The following TRAPPC13 variants were observed in gnomAD, a reference collection of about 807,000 sequenced individuals.
TRAPPC13 encodes trafficking protein particle complex subunit 13.
In TRAPPC13, 39 loss-of-function variants were observed where a neutral mutation model predicts 54.0. The observed-to-expected ratio is 0.72, with a 90% CI of 0.56 to 0.94. The LOEUF (loss-of-function observed/expected upper bound fraction) is 0.94. TRAPPC13 is among the 40% of genes least tolerant of loss of function. The probability of loss-of-function intolerance (pLI) is 0.00; values close to 1 mark genes in which losing one functional copy is unlikely to be tolerated. For synonymous variants in TRAPPC13, 148 were observed against 167.7 expected, an observed-to-expected ratio of 0.88 and a Z score of 0.91; for missense variants, 386 against 488.1, an observed-to-expected ratio of 0.79 and a Z score of 1.97.
At position 65,643,477 on chromosome 5, in the gene TRAPPC13, G is replaced by T. The variant is rs149487739; in HGVS notation, c.301-3578G>T. Among the ~76,000 whole-genome samples the T allele has an allele frequency of 6.2e-3, 939 of 152,016 alleles. 12 individuals are homozygous for T. The highest frequency in any genetic ancestry group is 0.021 in the African/African-American group (885 of 41,462). On this transcript the variant is annotated intron_variant, in intron 4 of 12. Coordinates refer to ENST00000399438, the MANE Select transcript of TRAPPC13 (RefSeq NM_024941.4). ...GGCATGTTTGTCTCATATTACTAGT[G>T]TATTTCTATATATATATTCTAAAAT...
intron 7 of TRAPPC13, among the ~76,000 whole-genome samples, chr5:65,653,825 G>T (rs920161343): frequency 6.6e-6 from 1 of 152,092 alleles, no homozygotes; most frequent in African/African-American, 2.4e-5. Flanking sequence ...TTTCTTTTGT[G>T]GGGGATAGGT....
intron 1 of TRAPPC13, among the ~76,000 whole-genome samples, chr5:65,634,762 G>A (rs1319395970): frequency 6.6e-6 from 1 of 151,906 alleles, no homozygotes; most frequent in Non-Finnish European, 1.5e-5. Flanking sequence ...AACCAGGCAT[G>A]GTGGTGCATT....
chr5:65,652,752 A>C (rs1561774183), intron 7 of TRAPPC13: 1 of 601,692 alleles, frequency 1.7e-6, no homozygotes, highest in Non-Finnish European at 3.0e-6. Flanking sequence ...ATGTGTCTTG[A>C]TTTTTATTCT....
intron 8 of TRAPPC13, among the ~76,000 whole-genome samples, chr5:65,656,290 G>A (rs1756649279): frequency 6.6e-6 from 1 of 152,000 alleles, no homozygotes; most frequent in Non-Finnish European, 1.5e-5. Flanking sequence ...TTTCCATTAT[G>A]CTGCTTGTTT....
Position 65,630,414 on chromosome 5 carries a change from A to G in TRAPPC13, c.47-4887A>G, listed in dbSNP as rs1034650095. 1.2e-5 allele frequency: 17 copies of G among 1,404,430 alleles called. No homozygotes were observed. In the African/African-American group the frequency reaches 2.5e-4, roughly 20 times the overall value. The allele number at this position is 1,404,430 out of a possible 1,614,324, so 87.0% of individuals were successfully genotyped here. ...GATTGAAATAGATAAAATAATTTTT[A>G]CAGGTTTTAAAATTTTTAATGACTT... On this transcript the variant is annotated intron_variant, in intron 1 of 12. Coordinates refer to ENST00000399438, the MANE Select transcript of TRAPPC13 (RefSeq NM_024941.4).
At chr5:65,640,294 T>C (rs1307370203) in intron 4 of TRAPPC13, among the ~76,000 whole-genome samples, 1 of 152,198 alleles carries the variant, frequency 6.6e-6, no homozygotes, top group Admixed American at 6.5e-5. Context: ...TCCCAGTGCT[T>C]TGGGAGCCAA....
At chr5:65,652,428 C>G in intron 6 of TRAPPC13, 73 bp from the exon 7 acceptor site, 1 of 991,612 alleles carries the variant, frequency 1.0e-6, no homozygotes, top group Non-Finnish European at 1.5e-6. Flanking sequence ...CAAACTTACA[C>G]TATTTGATTT....
At position 65,625,058 on chromosome 5, in the gene TRAPPC13, A is replaced by G. The variant is rs776801772; in HGVS notation, c.-3A>G. ...AGGCTGTGGGTCAAAAGTGCCGGTC[A>G]AAATGGAAGTGAATCCCCCTAAACA... On this transcript the variant is annotated 5_prime_UTR_variant, in exon 1 of 13. Coordinates refer to ENST00000399438, the MANE Select transcript of TRAPPC13 (RefSeq NM_024941.4). 4 of 1,613,662 alleles carry G rather than the reference A, an allele frequency of 2.5e-6. No individual in the cohort carries two copies. Among genetic ancestry groups the G allele is most frequent in the Non-Finnish European group, 2.5e-6 (3 of 1,179,622 alleles).
At chr5:65,629,986 T>A (rs901688684) in intron 1 of TRAPPC13, 1 of 1,535,732 alleles carries the variant, frequency 6.5e-7, no homozygotes, top group Non-Finnish European at 8.7e-7. Flanking sequence ...GATCTTGGAG[T>A]ATTTCCCTTC....
At chr5:65,649,982 G>A (rs1329365701) in intron 5 of TRAPPC13, among the ~76,000 whole-genome samples, 5 of 150,748 alleles carry the variant, frequency 3.3e-5, no homozygotes, top group South Asian at 2.1e-4. Flanking sequence ...TCAGACTCCC[G>A]AGTAGCTGGG....
At position 65,664,475 on chromosome 5, in the gene TRAPPC13, C is replaced by G. The variant is rs753812972; in HGVS notation, c.1147-29C>G. ...TGTATTTCCTCTGAATGAATGAAAA[C>G]TTAGACTCATCTCTCTCTCTCTCAA... On this transcript the variant is annotated intron_variant, in intron 12 of 12. Transcript: ENST00000399438. 1.5e-5 allele frequency: 23 copies of G among 1,559,444 alleles called. No homozygotes were observed. In the African/African-American group the frequency reaches 3.0e-4, roughly 20 times the overall value.
rs192136031 is a variant in TRAPPC13 at position 65,629,965 on chromosome 5, G to A, written c.46+4859G>A. Reference sequence around the variant, plus strand: ...GTAAACAATCAGAAAAGGGAAAACAGCACAAGAGGAGATCTTGGAGTATTT... The same window carrying A: ...GTAAACAATCAGAAAAGGGAAAACAACACAAGAGGAGATCTTGGAGTATTT... On this transcript the variant is annotated intron_variant, in intron 1 of 12. Transcript: ENST00000399438. 1.7e-3 allele frequency: 2,686 copies of A among 1,536,064 alleles called. 7 individuals carry two copies. Among genetic ancestry groups the A allele is most frequent in the Non-Finnish European group, 2.2e-3 (2,549 of 1,146,862 alleles).
chr5:65,641,564 C>T (rs76051599), intron 4 of TRAPPC13, among the ~76,000 whole-genome samples: 1,835 of 152,010 alleles, frequency 0.012, 18 homozygotes, highest in Non-Finnish European at 0.019. Context: ...TTTAAAAATT[C>T]TCTGGCCATG....
chr5:65,647,539 A>G (rs779352321), intron 5 of TRAPPC13, among the ~76,000 whole-genome samples: 5 of 152,082 alleles, frequency 3.3e-5, no homozygotes, highest in Non-Finnish European at 5.9e-5. Context: ...TCAGTTTTTC[A>G]GTTTTGTATT....
intron 1 of TRAPPC13, chr5:65,630,267 TTAA>T: frequency 6.5e-7 from 1 of 1,535,428 alleles, no homozygotes; most frequent in Non-Finnish European, 8.7e-7. Context: ...GGAAGTCTTC[TTAA>T]AGGAAGATTA....
At position 65,665,525 on chromosome 5, in the gene TRAPPC13, G is replaced by A. The variant is rs978568760; in HGVS notation, c.*914G>A. On this transcript the variant is annotated 3_prime_UTR_variant, in exon 13 of 13. Coordinates refer to ENST00000399438, the MANE Select transcript of TRAPPC13 (RefSeq NM_024941.4). ...ACATCAGAATTGGTTTTACTTTTTA[G>A]GTTGTTGATTTTTTTTAATTAACTA... is the stretch of plus-strand genomic sequence containing the variant. 1 of 151,832 alleles carries A rather than the reference G, an allele frequency of 6.6e-6. No homozygotes were observed. The highest frequency in any genetic ancestry group is 1.5e-5 in the Non-Finnish European group (1 of 67,964). The allele number at this position is 151,832 out of a possible 1,614,324, so 9.4% of individuals were successfully genotyped here.
chr5:65,640,940 C>A (rs1755941211), intron 4 of TRAPPC13, among the ~76,000 whole-genome samples: 1 of 147,092 alleles, frequency 6.8e-6, no homozygotes, highest in Non-Finnish European at 1.5e-5. Context: ...CTTTTTCTTT[C>A]TTTTTTTTTT....
At chr5:65,661,962 G>A in intron 10 of TRAPPC13, 88 bp from the exon 11 acceptor site, 1 of 839,490 alleles carries the variant, frequency 1.2e-6, no homozygotes, top group East Asian at 3.0e-5. Context: ...CCCAACAGCT[G>A]TTGAGTAAAT....
chr5:65,630,308 G>T (rs1382353493), intron 1 of TRAPPC13: 1 of 1,527,758 alleles, frequency 6.5e-7, no homozygotes, highest in Admixed American at 2.0e-5. Context: ...TAATTTATTT[G>T]TGCATAAATA....
Sources: allele counts gnomAD v4.1 joint callset (sites outside exome capture counted in the v4.1 genomes callset), GRCh38; gene constraint gnomAD v4.1.1; transcripts MANE v1.5; gene names NCBI Gene and HGNC (gene_info 2026-07-23, HGNC 2026-07-21).